The following ADSS1 variants were observed in gnomAD, a reference collection of about 807,000 sequenced individuals.
ADSS1 encodes the protein adenylosuccinate synthase 1, also known as adenylosuccinate synthetase isozyme 1.
ADSS1 carries 57 observed loss-of-function variants against 59.1 expected under a neutral mutation model. That is an observed-to-expected ratio of 0.97 (90% CI 0.78 to 1.20). The LOEUF is 1.20. Ranked by LOEUF, ADSS1 falls within the 50% of genes most tolerant of loss-of-function variation. The pLI, the probability that ADSS1 is intolerant of heterozygous loss-of-function variation, is 0.00. For missense variants in ADSS1, 603 were observed against 610.3 expected (o/e 0.99, Z 0.13); for synonymous variants, 247 against 249.4 (o/e 0.99, Z 0.09).
intron 12 of ADSS1, 128 bp from the exon 13 acceptor site, chr14:104,746,823 C>A: frequency 1.1e-6 from 1 of 943,142 alleles, no homozygotes; most frequent in South Asian, 1.5e-5. Flanking sequence ...ATTAGAACTG[C>A]CTCCATTTGG....
intron 9 of ADSS1, among the ~76,000 whole-genome samples, chr14:104,742,793 C>T (rs112462084): frequency 2.6e-5 from 4 of 152,276 alleles, no homozygotes; most frequent in African/African-American, 7.2e-5. Flanking sequence ...CCTTCCCCAG[C>T]TCACAAAGCC....
At chr14:104,744,715 C>A in intron 10 of ADSS1, 97 bp from the exon 11 acceptor site, 1 of 1,184,900 alleles carries the variant, frequency 8.4e-7, no homozygotes, top group Non-Finnish European at 1.2e-6. Context: ...GGGACCCCTG[C>A]TGTAAGTAAC....
chr14:104,746,975 C>G lies in ADSS1; in HGVS notation c.1346C>G (p.Ser449Ter). The stretch of plus-strand genomic sequence containing the variant: ...GTCAAATGGGTTGGTGTTGGCAAGT[C>G]AAGAGAGTCGATGATCCAGCTGTTT... ...VAVKWVGVGK[S>*]RESMIQLF Residue 449 changes from serine to a stop codon, truncating the protein, a stop_gained, in exon 13 of 13, where the codon TCA (serine) becomes TGA (stop). Coordinates refer to ENST00000330877, the MANE Select transcript of ADSS1 (RefSeq NM_152328.5). LOFTEE classifies it high-confidence loss of function. The G allele has an allele frequency of 6.2e-7, 1 of 1,614,080 alleles. No homozygotes were observed. The highest frequency in any genetic ancestry group is 8.5e-7 in the Non-Finnish European group (1 of 1,179,958).
At chr14:104,741,313 C>T (rs1000574117) in intron 8 of ADSS1, 70 bp downstream of exon 8, 41 of 1,497,936 alleles carry the variant, frequency 2.7e-5, no homozygotes, top group Middle Eastern at 2.0e-4. Flanking sequence ...TGCGGAGAGC[C>T]GTGGGAACCG....
At chr14:104,745,721 C>T (rs1039482894) in intron 11 of ADSS1, 2 of 153,320 alleles carry the variant, frequency 1.3e-5, no homozygotes, top group Non-Finnish European at 2.9e-5. Flanking sequence ...GACACGCAAA[C>T]ACTGCCTGGC....
In ADSS1 at chr14:104,736,526, A is replaced by G. The variant is rs1000283462; in HGVS notation, c.295+1404A>G. Reference sequence around the variant, plus strand: ...ATTTGGGTGACCTTTTGTGCTCACCATGGCTTGCGTCGTCTCCGGGTCACT... The same window carrying G: ...ATTTGGGTGACCTTTTGTGCTCACCGTGGCTTGCGTCGTCTCCGGGTCACT... On this transcript the variant is annotated intron_variant, in intron 2 of 12. Coordinates refer to ENST00000330877, the MANE Select transcript of ADSS1 (RefSeq NM_152328.5). 2.0e-5 allele frequency among the ~76,000 whole-genome samples: 3 copies of G among 152,236 alleles called. 1 individual carries two copies. The highest frequency in any genetic ancestry group is 6.8e-3 in the Middle Eastern group (2 of 294).
chr14:104,744,695 C>T, intron 10 of ADSS1, 117 bp from the exon 11 acceptor site: 1 of 917,732 alleles, frequency 1.1e-6, no homozygotes, highest in Non-Finnish European at 1.7e-6. Flanking sequence ...GGTCCACAGC[C>T]CAGGGACTGG....
Position 104,741,957 on chromosome 14 carries a change from T to C in ADSS1, c.903T>C (p.Tyr301=). The part of the protein sequence containing the change: ...IGDVYGVVKA[Y]TTRVGIGAFP... Reference sequence around the variant, plus strand: ...ACGTGTATGGCGTGGTGAAAGCCTATACCACACGTGTGGGCATCGGGGCCT... The same window carrying C: ...ACGTGTATGGCGTGGTGAAAGCCTACACCACACGTGTGGGCATCGGGGCCT... The change falls in exon 9 of 13, where the codon TAT becomes TAC. Residue 301 remains tyrosine, a synonymous_variant. Transcript: ENST00000330877. 6.2e-7 allele frequency: 1 copy of C among 1,613,296 alleles called. No homozygotes were observed.
chr14:104,745,949 G>T, intron 11 of ADSS1: 1 of 269,290 alleles, frequency 3.7e-6, no homozygotes, highest in Non-Finnish European at 7.0e-6. Flanking sequence ...AAGGCTTGGA[G>T]TGCCTCAGCT....
rs532076778 is a variant in ADSS1, at chr14:104,740,291, C to T, written c.477-310C>T. Among the ~76,000 whole-genome samples, 3 of 152,194 alleles carry T rather than the reference C, an allele frequency of 2.0e-5. No individual in the cohort carries two copies. Among genetic ancestry groups the T allele is most frequent in the Admixed American group, 6.5e-5 (1 of 15,284 alleles). On this transcript the variant is annotated intron_variant, in intron 5 of 12. Coordinates refer to ENST00000330877, the MANE Select transcript of ADSS1 (RefSeq NM_152328.5). This position sits in a 1 kb window ranked among gnomAD's most constrained non-coding sequence, Gnocchi z 4.8. ...CTCTTACATACACACCACACGCCCA[C>T]GCATGCTCGCACAGTTATGCACATG...
In ADSS1 at chr14:104,724,237, G is replaced by GGCCGGGCCAGCGCAGCGGAAGA. The variant is rs1890652201; in HGVS notation, c.-30_-9dup. On this transcript the variant is annotated 5_prime_UTR_variant, in exon 1 of 13. Transcript: ENST00000330877. ...CGGACGCCGGCGGCGGCGGGCTCCT[G>GGCCGGGCCAGCGCAGCGGAAGA]GCCGGGCCAGCGCAGCGGAAGAGCC... 2.2e-5 allele frequency: 27 copies of GGCCGGGCCAGCGCAGCGGAAGA among 1,222,436 alleles called. No homozygotes were observed. In the East Asian group the frequency reaches 8.8e-4, roughly 40 times the overall value. 75.7% of individuals were successfully genotyped at this position (1,222,436 alleles called of 1,614,324 possible).
chr14:104,738,587 T>C, intron 3 of ADSS1, 149 bp downstream of exon 3: 1 of 874,282 alleles, frequency 1.1e-6, no homozygotes. Context: ...ACCCGCCGGC[T>C]CTACCCGCGC....
intron 2 of ADSS1, 62 bp from the exon 3 acceptor site, chr14:104,738,314 A>T: frequency 6.4e-7 from 1 of 1,569,126 alleles, no homozygotes. Flanking sequence ...TGCTGTTCTT[A>T]ATGTATGTTT....
At position 104,737,343 on chromosome 14, in the gene ADSS1, C is replaced by T. The variant is rs1384862857; in HGVS notation, c.296-1033C>T. On this transcript the variant is annotated intron_variant, in intron 2 of 12. Coordinates refer to ENST00000330877, the MANE Select transcript of ADSS1 (RefSeq NM_152328.5). ...GAGTTGGAATTGTACAGTATGTCGC[C>T]TTTTCGGATTGGCTTCTTTCACTCA... The T allele has an allele frequency of 9.2e-5, 14 of 152,312 alleles. No homozygotes were observed. In the East Asian group the frequency reaches 2.7e-3, roughly 29 times the overall value. 9.4% of individuals were successfully genotyped at this position (152,312 alleles called of 1,614,324 possible). A position where few individuals can be genotyped will look rare whatever the true frequency, so the allele number is the denominator to read the frequency against.
In ADSS1 at chr14:104,740,796, C is replaced by A. The variant is rs746605039; in HGVS notation, c.585-43C>A. ...TAGTGGGGAGGGCCCTGAGGACCAG[C>A]ATGGACCATGACAGGGGGTGATGAT... On this transcript the variant is annotated intron_variant, in intron 6 of 12. Coordinates refer to ENST00000330877, the MANE Select transcript of ADSS1 (RefSeq NM_152328.5). The surrounding 1 kb of genome is among the most constrained non-coding windows in gnomAD (Gnocchi z 4.8). The A allele has an allele frequency of 6.2e-7, 1 of 1,612,476 alleles. No homozygotes were observed. The highest frequency in any genetic ancestry group is 8.5e-7 in the Non-Finnish European group (1 of 1,179,212).
chr14:104,734,683 G>A (rs770826972), intron 1 of ADSS1, among the ~76,000 whole-genome samples: 2 of 152,208 alleles, frequency 1.3e-5, no homozygotes, highest in Non-Finnish European at 2.9e-5. Context: ...TTCTGTGGGA[G>A]GGTTAGGCCT....
rs776483145 is a variant in ADSS1 at position 104,740,615 on chromosome 14, A to C, written c.491A>C (p.Lys164Thr). Residue 164 changes from lysine (K) to threonine (T), a missense_variant, in exon 6 of 13, where the codon AAG becomes ACG. Lys to Thr is a moderately conservative substitution (Grantham distance 78). Coordinates refer to ENST00000330877, the MANE Select transcript of ADSS1 (RefSeq NM_152328.5). This position sits in a 1 kb window ranked among gnomAD's most constrained non-coding sequence, Gnocchi z 4.8. ...CCATCTTTCAGTATAGGCACCACCA[A>C]GAAGGGAATCGGACCAACCTACTCT... is the stretch of plus-strand genomic sequence containing the variant. ...AQEGKNIGTT[K>T]KGIGPTYSSK... is the part of the protein sequence containing the mutation. 6.2e-7 allele frequency: 1 copy of C among 1,613,920 alleles called. No individual in the cohort carries two copies.
chr14:104,746,421 C>A, intron 12 of ADSS1, 36 bp downstream of exon 12: 2 of 1,588,618 alleles, frequency 1.3e-6, no homozygotes, highest in Non-Finnish European at 1.7e-6. Context: ...CCTCCCTGCA[C>A]CCTGGATGCC....
At chr14:104,731,626 C>T (rs922721322) in intron 1 of ADSS1, among the ~76,000 whole-genome samples, 1 of 152,180 alleles carries the variant, frequency 6.6e-6, no homozygotes, top group Non-Finnish European at 1.5e-5. Flanking sequence ...CCGAGGGGTG[C>T]CTGGCAGAGA....
Sources: allele counts gnomAD v4.1 joint callset (sites outside exome capture counted in the v4.1 genomes callset), GRCh38; gene constraint gnomAD v4.1.1; non-coding constraint Gnocchi (gnomAD v3.1); transcripts MANE v1.5; gene names NCBI Gene and HGNC (gene_info 2026-07-23, HGNC 2026-07-21).